The following WWP1 variants were observed in gnomAD, a reference collection of about 807,000 sequenced individuals.
The protein encoded by WWP1 is NEDD4-like E3 ubiquitin-protein ligase WWP1.
WWP1 carries 49 observed loss-of-function variants against 130.6 expected under a neutral mutation model. The observed-to-expected ratio is 0.38, with a 90% CI of 0.30 to 0.48. The LOEUF (loss-of-function observed/expected upper bound fraction) is 0.48. Among genes scored for constraint, WWP1 ranks in the 20% least tolerant of loss-of-function variants. The probability of loss-of-function intolerance (pLI) is 0.99; values close to 1 mark genes in which losing one functional copy is unlikely to be tolerated. For missense variants in WWP1, 809 were observed against 1,100.6 expected (o/e 0.74, Z 3.75); for synonymous variants, 332 against 367.8 (o/e 0.90, Z 1.11).
intron 1 of WWP1, among the ~76,000 whole-genome samples, chr8:86,360,918 T>G (rs1300008488): frequency 6.6e-6 from 1 of 152,184 alleles, no homozygotes; most frequent in Non-Finnish European, 1.5e-5. Flanking sequence ...GCCAAAGGAC[T>G]ATTGATTGGA....
At chr8:86,435,377 A>G (rs1810235304) in intron 14 of WWP1, 75 bp from the exon 15 acceptor site, 1 of 1,474,324 alleles carries the variant, frequency 6.8e-7, no homozygotes, top group Non-Finnish European at 9.4e-7. Flanking sequence ...ACTTTAGTAC[A>G]CTCTGATTTT....
chr8:86,383,851 T>C (rs1825131175), intron 5 of WWP1, among the ~76,000 whole-genome samples: 1 of 152,210 alleles, frequency 6.6e-6, no homozygotes, highest in South Asian at 2.1e-4. Context: ...AGTCAGTAGA[T>C]GGCTTCAGAA....
At chr8:86,364,780 T>G (rs1244606800) in intron 1 of WWP1, among the ~76,000 whole-genome samples, 3 of 142,008 alleles carry the variant, frequency 2.1e-5, no homozygotes, top group Non-Finnish European at 4.5e-5. Flanking sequence ...CACTCTATCC[T>G]GGGCGACAAA....
At chr8:86,448,347 A>G in intron 19 of WWP1, 26 bp from the exon 20 acceptor site, 2 of 1,590,150 alleles carry the variant, frequency 1.3e-6, no homozygotes, top group South Asian at 2.3e-5. Flanking sequence ...TTTGTTAATT[A>G]GTGTATATAT....
chr8:86,353,523 C>T (rs574988448), intron 1 of WWP1, among the ~76,000 whole-genome samples: 117 of 151,964 alleles, frequency 7.7e-4, no homozygotes, highest in African/African-American at 2.8e-3. Context: ...GACGGAGTCT[C>T]ACTCTGTTGC....
At chr8:86,362,051 CATAT>C (rs1469189835) in intron 1 of WWP1, among the ~76,000 whole-genome samples, 1 of 63,790 alleles carries the variant, frequency 1.6e-5, no homozygotes. Flanking sequence ...TATATACACA[CATAT>C]ATACACACAT....
At chr8:86,360,481 G>C (rs1201344046) in intron 1 of WWP1, among the ~76,000 whole-genome samples, 1 of 152,170 alleles carries the variant, frequency 6.6e-6, no homozygotes, top group East Asian at 1.9e-4. Flanking sequence ...TTAGTCCTGG[G>C]GTTACCTAGG....
At chr8:86,345,498 C>T (rs547168693) in intron 1 of WWP1, among the ~76,000 whole-genome samples, 1 of 152,256 alleles carries the variant, frequency 6.6e-6, no homozygotes, top group East Asian at 1.9e-4. Flanking sequence ...CAACCTCCGC[C>T]TCCCAGGCTC....
intron 3 of WWP1, among the ~76,000 whole-genome samples, chr8:86,379,312 C>G (rs1239016661): frequency 6.6e-6 from 1 of 152,140 alleles, no homozygotes; most frequent in Non-Finnish European, 1.5e-5. Flanking sequence ...TCTTTAATTG[C>G]TATGTTGCCG....
intron 9 of WWP1, among the ~76,000 whole-genome samples, chr8:86,418,350 G>A (rs186643762): frequency 1.6e-3 from 238 of 152,192 alleles, no homozygotes; most frequent in African/African-American, 5.3e-3. Context: ...ATTATTTATT[G>A]CTATATAATA....
chr8:86,466,367 C>G (rs1812132674), intron 24 of WWP1, among the ~76,000 whole-genome samples: 1 of 151,798 alleles, frequency 6.6e-6, no homozygotes, highest in African/African-American at 2.4e-5. Flanking sequence ...TCCATGAAGA[C>G]AGGGATTTTA....
chr8:86,382,143 A>G (rs937300638), intron 5 of WWP1, among the ~76,000 whole-genome samples: 3 of 152,186 alleles, frequency 2.0e-5, no homozygotes, highest in African/African-American at 7.2e-5. Context: ...TTTGTTTTTC[A>G]TAGACACAAA....
chr8:86,379,235 C>T (rs537272899), intron 3 of WWP1, among the ~76,000 whole-genome samples: 45 of 152,132 alleles, frequency 3.0e-4, no homozygotes, highest in African/African-American at 9.2e-4. Flanking sequence ...CAGTTTGGAA[C>T]GATGAAGGAT....
chr8:86,363,488 G>C (rs539976696), intron 1 of WWP1, among the ~76,000 whole-genome samples: 25 of 152,044 alleles, frequency 1.6e-4, no homozygotes, highest in Admixed American at 5.2e-4. Context: ...TTTAACAAAG[G>C]CTACTGAAAG....
chr8:86,406,953 G>A (rs979145357), intron 8 of WWP1, among the ~76,000 whole-genome samples: 7 of 152,088 alleles, frequency 4.6e-5, no homozygotes, highest in African/African-American at 1.7e-4. Context: ...GGACAAATAC[G>A]TGGTGCTTTG....
At chr8:86,376,416 A>G (rs1236142385) in intron 3 of WWP1, among the ~76,000 whole-genome samples, 1 of 152,154 alleles carries the variant, frequency 6.6e-6, no homozygotes, top group Non-Finnish European at 1.5e-5. Flanking sequence ...TAAAAATACA[A>G]AAATTAGCCG....
chr8:86,427,527 A>T (rs1442248500), intron 10 of WWP1, 116 bp from the exon 11 acceptor site: 1 of 1,054,416 alleles, frequency 9.5e-7, no homozygotes, highest in Non-Finnish European at 1.3e-6. Context: ...ATAGTTTTAT[A>T]TGTTTTAGTT....
chr8:86,389,755 A>T (rs1586328181), intron 5 of WWP1, among the ~76,000 whole-genome samples: 1 of 116,558 alleles, frequency 8.6e-6, no homozygotes, highest in African/African-American at 3.2e-5. Context: ...CCCCCCACCC[A>T]CCTCCCGGAT....
chr8:86,429,594 G>C (rs181600366), intron 11 of WWP1, among the ~76,000 whole-genome samples: 1 of 152,202 alleles, frequency 6.6e-6, no homozygotes, highest in East Asian at 1.9e-4. Context: ...ATGTATGTAT[G>C]AAAATATAAA....
Sources: allele counts gnomAD v4.1 joint callset (sites outside exome capture counted in the v4.1 genomes callset), GRCh38; gene constraint gnomAD v4.1.1; transcripts MANE v1.5; gene names NCBI Gene and HGNC (gene_info 2026-07-23, HGNC 2026-07-21).